GRAMD1B: variants seen among roughly 807,000 people sequenced by gnomAD.
GRAMD1B encodes the protein GRAM domain containing 1B.
Under a neutral mutation model 99.7 loss-of-function variants are expected in GRAMD1B, and 37 were observed. The ratio of observed to expected loss-of-function variants is 0.37; its 90% CI spans 0.29 to 0.49. The LOEUF (loss-of-function observed/expected upper bound fraction) is 0.49, where lower values mean the gene tolerates loss of function less well. Among genes scored for constraint, GRAMD1B ranks in the 20% least tolerant of loss-of-function variants. The pLI, the probability that GRAMD1B is intolerant of heterozygous loss-of-function variation, is 0.98. For missense variants in GRAMD1B, 888 were observed against 1,009.2 expected, an observed-to-expected ratio of 0.88 and a Z score of 1.63; for synonymous variants, 427 against 387.6, an observed-to-expected ratio of 1.10 and a Z score of -1.19.
intron 1 of GRAMD1B, among the ~76,000 whole-genome samples, 174 bp downstream of exon 1, chr11:123,431,340 G>A (rs1245215459): frequency 6.6e-6 from 1 of 152,242 alleles, no homozygotes; most frequent in Admixed American, 6.5e-5. Flanking sequence ...CAGCTTCCAC[G>A]CGTGCCACCC....
chr11:123,514,090 A>G (rs1282384617), intron 2 of GRAMD1B, among the ~76,000 whole-genome samples: 1 of 152,228 alleles, frequency 6.6e-6, no homozygotes, highest in African/African-American at 2.4e-5. Context: ...TGGGTAGTTC[A>G]CAATCGCCGT....
intron 2 of GRAMD1B, among the ~76,000 whole-genome samples, chr11:123,571,631 C>G (rs967311076): frequency 6.6e-6 from 1 of 152,040 alleles, no homozygotes; most frequent in Admixed American, 6.5e-5. Flanking sequence ...GGGTCCCCTG[C>G]CATGGCTTAA....
chr11:123,513,504 C>CTCTTTCTT (rs1555049963), intron 2 of GRAMD1B, among the ~76,000 whole-genome samples: 3 of 148,334 alleles, frequency 2.0e-5, no homozygotes, highest in African/African-American at 7.8e-5. Flanking sequence ...TTCTCCCTCT[C>CTCTTTCTT]TCTTTCTTTC....
At chr11:123,374,098 G>C (rs1479598469) in intron 1 of GRAMD1B, among the ~76,000 whole-genome samples, 1 of 152,120 alleles carries the variant, frequency 6.6e-6, no homozygotes, top group African/African-American at 2.4e-5. Flanking sequence ...TATTTTCCTG[G>C]TCTGTTCAAA....
chr11:123,621,580 T>C (rs1592322313), intron 19 of GRAMD1B, among the ~76,000 whole-genome samples: 1 of 152,136 alleles, frequency 6.6e-6, no homozygotes, highest in East Asian at 1.9e-4. Context: ...GACTGGGAGC[T>C]GGAGAAAGCT....
chr11:123,528,808 G>A, intron 2 of GRAMD1B, among the ~76,000 whole-genome samples: 1 of 152,118 alleles, frequency 6.6e-6, no homozygotes, highest in Non-Finnish European at 1.5e-5. Context: ...GAAGCAGCTG[G>A]TGTCTCCATT....
At chr11:123,554,742 A>G (rs1188885050) in intron 2 of GRAMD1B, among the ~76,000 whole-genome samples, 3 of 152,088 alleles carry the variant, frequency 2.0e-5, no homozygotes, top group Non-Finnish European at 4.4e-5. Flanking sequence ...ATTAACAAGT[A>G]AAAACATGGA....
chr11:123,519,341 G>A (rs1027030925), intron 2 of GRAMD1B, among the ~76,000 whole-genome samples: 1 of 152,188 alleles, frequency 6.6e-6, no homozygotes, highest in Non-Finnish European at 1.5e-5. Context: ...GCACCTGATC[G>A]GGGTGCAGCC....
chr11:123,409,633 C>A (rs556460313), intron 1 of GRAMD1B, among the ~76,000 whole-genome samples: 1 of 152,318 alleles, frequency 6.6e-6, no homozygotes, highest in South Asian at 2.1e-4. Context: ...GTTACCACAG[C>A]ACAGCCTAAT....
At chr11:123,414,694 ATGTT>A (rs1217760937) in intron 1 of GRAMD1B, among the ~76,000 whole-genome samples, 1 of 152,158 alleles carries the variant, frequency 6.6e-6, no homozygotes, top group African/African-American at 2.4e-5. Flanking sequence ...ACCCATGAGA[ATGTT>A]TGCTCCCCAA....
intron 2 of GRAMD1B, chr11:123,526,105 G>A (rs760509586): frequency 2.3e-5 from 37 of 1,590,198 alleles, no homozygotes; most frequent in African/African-American, 8.1e-5. Context: ...GAGCTGTAAC[G>A]GGGATGCTAA....
chr11:123,537,069 G>A (rs1218459701), intron 2 of GRAMD1B, among the ~76,000 whole-genome samples: 1 of 152,144 alleles, frequency 6.6e-6, no homozygotes, highest in African/African-American at 2.4e-5. Flanking sequence ...TGAATTAATT[G>A]TTTGTTTACT....
intron 2 of GRAMD1B, among the ~76,000 whole-genome samples, chr11:123,496,702 T>C (rs1939327232): frequency 6.6e-6 from 1 of 151,726 alleles, no homozygotes; most frequent in Admixed American, 6.6e-5. Context: ...AGTTCACCAA[T>C]TCTTCCTTCT....
intron 2 of GRAMD1B, among the ~76,000 whole-genome samples, chr11:123,569,868 T>C (rs1314678285): frequency 1.3e-5 from 2 of 152,250 alleles, no homozygotes; most frequent in African/African-American, 4.8e-5. Context: ...GTGCTTGTGA[T>C]ATGGCTGTGG....
intron 1 of GRAMD1B, among the ~76,000 whole-genome samples, chr11:123,393,828 G>A (rs1357886398): frequency 6.6e-6 from 1 of 152,124 alleles, no homozygotes; most frequent in Non-Finnish European, 1.5e-5. Flanking sequence ...GGTTTGCTGG[G>A]GCTGTCTCAT....
intron 1 of GRAMD1B, among the ~76,000 whole-genome samples, chr11:123,439,954 C>G (rs1949331208): frequency 6.6e-6 from 1 of 152,114 alleles, no homozygotes; most frequent in Non-Finnish European, 1.5e-5. Context: ...AATAAACAAC[C>G]TATTTGGTTT....
chr11:123,568,202 T>C (rs1175207964), intron 2 of GRAMD1B, among the ~76,000 whole-genome samples: 1 of 151,950 alleles, frequency 6.6e-6, no homozygotes, highest in Non-Finnish European at 1.5e-5. Flanking sequence ...GTGCCCTGAA[T>C]TATCTACACA....
intron 1 of GRAMD1B, among the ~76,000 whole-genome samples, chr11:123,377,488 T>C (rs1463022401): frequency 6.6e-6 from 1 of 151,992 alleles, no homozygotes; most frequent in Non-Finnish European, 1.5e-5. Context: ...AGTAGTAACA[T>C]CACCAAGGAA....
chr11:123,542,048 T>C (rs1944588891), intron 2 of GRAMD1B, among the ~76,000 whole-genome samples: 1 of 152,228 alleles, frequency 6.6e-6, no homozygotes, highest in Admixed American at 6.5e-5. Context: ...CTCCCCCATA[T>C]TTTTCATTAG....
Sources: gnomAD v4.1 joint callset for allele counts (sites outside exome capture counted in the v4.1 genomes callset) on GRCh38, gnomAD v4.1.1 for gene constraint, MANE v1.5 for transcripts, NCBI Gene and HGNC (gene_info 2026-07-23, HGNC 2026-07-21) for gene names.